TRRAP: variants seen among roughly 807,000 people sequenced by gnomAD.
The protein encoded by TRRAP is transformation/transcription domain-associated protein.
A neutral mutation model predicts 438.8 loss-of-function variants in TRRAP; 41 were observed. The observed-to-expected ratio is 0.09, with a 90% CI of 0.07 to 0.12. The LOEUF (loss-of-function observed/expected upper bound fraction) is 0.12, where lower values mean the gene tolerates loss of function less well. TRRAP is among the 10% of genes least tolerant of loss of function. The pLI, the probability that TRRAP is intolerant of heterozygous loss-of-function variation, is 1.00. For synonymous variants in TRRAP, 1,994 were observed against 1,962.9 expected, an observed-to-expected ratio of 1.02 and a Z score of -0.42; for missense variants, 3,122 against 5,055.1, an observed-to-expected ratio of 0.62 and a Z score of 11.60.
At chr7:98,903,579 C>T (rs1796569860) in intron 12 of TRRAP, 62 bp downstream of exon 12, 14 of 1,599,924 alleles carry the variant, frequency 8.8e-6, no homozygotes, top group South Asian at 4.5e-5. Flanking sequence ...TTTGGGGACT[C>T]GGCTGACATT....
chr7:98,985,091 A>G (rs1793094201), intron 62 of TRRAP, 47 bp downstream of exon 62: 2 of 1,308,154 alleles, frequency 1.5e-6, no homozygotes, highest in African/African-American at 1.5e-5. Flanking sequence ...GCATCAGATT[A>G]TTTAAAGTTA....
chr7:98,970,592 G>T (rs968897905), intron 52 of TRRAP, among the ~76,000 whole-genome samples: 1 of 137,678 alleles, frequency 7.3e-6, no homozygotes, highest in African/African-American at 3.5e-5. Flanking sequence ...CCTAAGTTCA[G>T]CTAGATTTTT....
chr7:98,934,614 G>A (rs1471157123), intron 27 of TRRAP, among the ~76,000 whole-genome samples: 1 of 152,190 alleles, frequency 6.6e-6, no homozygotes, highest in Non-Finnish European at 1.5e-5. Context: ...CGGATCTTTT[G>A]AAAAGCATGG....
Position 98,931,439 on chromosome 7 carries a change from C to T in TRRAP, c.3626C>T (p.Thr1209Met), listed in dbSNP as rs782538944. ...GGGGCAGTCGCTATGGCAAAGACCA[C>T]GCTGGAGCAGCTTCTGATGCGGTGC... is the stretch of plus-strand genomic sequence containing the variant. ...SNGAVAMAKT[T>M]LEQLLMRCAT... Residue 1209 changes from threonine to methionine, a missense_variant, in exon 26 of 73, where the codon ACG (threonine) becomes ATG (methionine). Around this residue, in one of 24 missense-constraint regions of TRRAP, gnomAD observed 153 missense variants for 223.0 expected, o/e 0.69. Transcript: ENST00000456197. The T allele has an allele frequency of 1.9e-6, 3 of 1,614,098 alleles. No individual in the cohort carries two copies. The highest frequency in any genetic ancestry group is 1.1e-5 in the South Asian group (1 of 91,074).
chr7:98,961,393 A>G lies in TRRAP; in HGVS notation c.6622A>G (p.Met2208Val), dbSNP rs745868584. 5.0e-6 allele frequency: 8 copies of G among 1,614,244 alleles called. No individual in the cohort carries two copies. The highest frequency in any genetic ancestry group is 1.7e-5 in the Admixed American group (1 of 60,026). ...KPLQRGIAAC[M>V]TCGNTKVLRA... is the part of the protein sequence containing the mutation. ...TCTGCAGCGTGGAATTGCCGCCTGCATGACATGTGGAAACACCAAGGTGTT... is the reference window on the plus strand; with the variant it reads ...TCTGCAGCGTGGAATTGCCGCCTGCGTGACATGTGGAAACACCAAGGTGTT... The change falls in exon 46 of 73, where the codon ATG becomes GTG. Residue 2208 changes from methionine (M) to valine (V), a missense_variant. Met to Val is a conservative substitution (Grantham distance 21, BLOSUM62 1). Around this residue, in one of 24 missense-constraint regions of TRRAP, gnomAD observed 992 missense variants for 1,281.2 expected, o/e 0.77. Transcript: ENST00000456197.
At chr7:98,880,281 C>G (rs1232641357) in intron 1 of TRRAP, among the ~76,000 whole-genome samples, 2 of 35,070 alleles carry the variant, frequency 5.7e-5, no homozygotes, top group Non-Finnish European at 2.7e-4. Context: ...TTTTTTTTTC[C>G]GAGACTGAAC....
At position 98,988,847 on chromosome 7, in the gene TRRAP, T is replaced by C. The variant is rs764044738; in HGVS notation, c.9472T>C (p.Tyr3158His). The C allele has an allele frequency of 1.6e-5, 26 of 1,614,114 alleles. No homozygotes were observed. Among genetic ancestry groups the C allele is most frequent in the Non-Finnish European group, 2.0e-5 (24 of 1,180,042 alleles). The part of the protein sequence containing the change: ...LVKAWAMWGD[Y>H]LENIFVKERQ... Reference sequence around the variant, plus strand: ...GAAAGCCTGGGCCATGTGGGGCGACTACCTGGAGAACATCTTTGTGAAGGA... The same window carrying C: ...GAAAGCCTGGGCCATGTGGGGCGACCACCTGGAGAACATCTTTGTGAAGGA... The change falls in exon 63 of 73, where the codon TAC becomes CAC. Residue 3158 changes from tyrosine (Y) to histidine (H), a missense_variant. Tyr to His is a moderately conservative substitution (Grantham distance 83, BLOSUM62 2). This residue lies in a region of TRRAP where 129 missense variants were observed against 279.2 expected (regional missense o/e 0.46). Coordinates refer to ENST00000456197, the MANE Select transcript of TRRAP (RefSeq NM_001375524.1).
intron 14 of TRRAP, among the ~76,000 whole-genome samples, chr7:98,909,566 G>T (rs1562936450): frequency 1.3e-5 from 2 of 152,114 alleles, no homozygotes; most frequent in East Asian, 3.9e-4. Context: ...TTATTTTCTG[G>T]GGGCATAGTA....
chr7:98,881,143 A>G lies in TRRAP; in HGVS notation c.-8A>G. The stretch of plus-strand genomic sequence containing the variant: ...TTCTCTTGAGAAGCAAACCAGCCCA[A>G]AAGAAAAATGGCGTTTGTTGCAACA... On this transcript the variant is annotated 5_prime_UTR_variant, in exon 2 of 73. Coordinates refer to ENST00000456197, the MANE Select transcript of TRRAP (RefSeq NM_001375524.1). The G allele has an allele frequency of 6.2e-7, 1 of 1,601,798 alleles. No individual in the cohort carries two copies. The highest frequency in any genetic ancestry group is 1.1e-5 in the South Asian group (1 of 89,264).
At chr7:98,982,865 C>T (rs1792993909) in intron 59 of TRRAP, among the ~76,000 whole-genome samples, 1 of 152,158 alleles carries the variant, frequency 6.6e-6, no homozygotes, top group South Asian at 2.1e-4. Context: ...AAAGGCACGC[C>T]TGCAGCAGGG....
At position 98,931,524 on chromosome 7, in the gene TRRAP, T is replaced by G. The variant is rs1554412893; in HGVS notation, c.3711T>G (p.Ser1237=). The G allele has an allele frequency of 6.2e-7, 1 of 1,614,058 alleles. No homozygotes were observed. The highest frequency in any genetic ancestry group is 1.1e-5 in the South Asian group (1 of 91,076). The change falls in exon 26 of 73, where the codon TCT becomes TCG. Residue 1237 remains serine, a synonymous_variant. Transcript: ENST00000456197. ...AEEIVAAQEK[S]FHHVTHDLVR... ...AGATCGTGGCCGCCCAGGAAAAGTCTTTCCACCATGTGACACACGACTTGG... is the reference window on the plus strand; with the variant it reads ...AGATCGTGGCCGCCCAGGAAAAGTCGTTCCACCATGTGACACACGACTTGG...
rs781980018 is a variant in TRRAP at position 98,915,761 on chromosome 7, C to T, written c.2238C>T (p.Leu746=). The T allele has an allele frequency of 1.7e-5, 27 of 1,613,972 alleles. 1 individual carries two copies. The highest frequency in any genetic ancestry group is 7.7e-5 in the South Asian group (7 of 91,080). The change falls in exon 19 of 73, where the codon CTC becomes CTT. Residue 746 remains leucine, a synonymous_variant. Coordinates refer to ENST00000456197, the MANE Select transcript of TRRAP (RefSeq NM_001375524.1). The stretch of plus-strand genomic sequence containing the variant: ...AGATTGTGAACAGCTCTATGGAGCT[C>T]GCGCAGACTGCCAAGGAACCCTACA... ...LHKIVNSSME[L]AQTAKEPYNY... is the part of the protein sequence containing the mutation.
At chr7:99,009,010 A>G (rs1393440233) in intron 70 of TRRAP, among the ~76,000 whole-genome samples, 1 of 152,124 alleles carries the variant, frequency 6.6e-6, no homozygotes, top group Non-Finnish European at 1.5e-5. Flanking sequence ...GCTGTTTTCT[A>G]AAATACAAAA....
Position 98,894,516 on chromosome 7 carries a change from A to C in TRRAP, c.450+635A>C, listed in dbSNP as rs143411129. 2.1e-3 allele frequency among the ~76,000 whole-genome samples: 315 copies of C among 152,194 alleles called. 1 individual carries two copies. The highest frequency in any genetic ancestry group is 6.8e-3 in the Middle Eastern group (2 of 294). On this transcript the variant is annotated intron_variant, in intron 6 of 72. Transcript: ENST00000456197. Reference sequence around the variant, plus strand: ...AATTATTTATTGAATTAAATAACTTAAAATAGAAATTAAAAGCATAAAGAT... The same window carrying C: ...AATTATTTATTGAATTAAATAACTTCAAATAGAAATTAAAAGCATAAAGAT...
intron 20 of TRRAP, among the ~76,000 whole-genome samples, chr7:98,921,064 C>A (rs375264539): frequency 1.3e-5 from 2 of 152,004 alleles, no homozygotes; most frequent in African/African-American, 2.4e-5. Context: ...CTCGAACTAC[C>A]GACTTCAGGT....
chr7:98,970,364 G>T, intron 52 of TRRAP, 73 bp downstream of exon 52: 1 of 1,535,806 alleles, frequency 6.5e-7, no homozygotes. Flanking sequence ...CAGAATCCCA[G>T]AGAGGAGGTG....
intron 38 of TRRAP, 152 bp downstream of exon 38, chr7:98,950,414 C>T: frequency 1.1e-6 from 1 of 903,976 alleles, no homozygotes; most frequent in East Asian, 2.6e-5. Flanking sequence ...CCCAGGTACT[C>T]AGGAGGCCAC....
rs1747506273 is a variant in TRRAP at position 98,897,883 on chromosome 7, G to C, written c.633+17G>C. ...ACTCGAACAGTAAGTGTTTCGCTGA[G>C]TTATTTCTACCCGTGGCTCCTGTAG... On this transcript the variant is annotated intron_variant, in intron 8 of 72. Transcript: ENST00000456197. 6.2e-7 allele frequency: 1 copy of C among 1,613,252 alleles called. No individual in the cohort carries two copies. The highest frequency in any genetic ancestry group is 1.3e-5 in the African/African-American group (1 of 74,954).
At chr7:98,891,452 C>T (rs1456694607) in intron 4 of TRRAP, among the ~76,000 whole-genome samples, 2 of 151,626 alleles carry the variant, frequency 1.3e-5, no homozygotes, top group Admixed American at 6.6e-5. Flanking sequence ...CCGCCCACCT[C>T]GGCCTCCCAA....
Sources: gnomAD v4.1 joint callset for allele counts (sites outside exome capture counted in the v4.1 genomes callset) on GRCh38, gnomAD v4.1.1 for gene constraint, gnomAD v4.1.1 regional missense constraint, MANE v1.5 for transcripts, NCBI Gene and HGNC (gene_info 2026-07-23, HGNC 2026-07-21) for gene names.